The following ARHGAP28 variants were observed in gnomAD, a reference collection of about 807,000 sequenced individuals.
The protein encoded by ARHGAP28 is rho GTPase-activating protein 28.
ARHGAP28 carries 56 observed loss-of-function variants against 90.7 expected under a neutral mutation model. That is an observed-to-expected ratio of 0.62 (90% confidence interval 0.50 to 0.77). The LOEUF (loss-of-function observed/expected upper bound fraction) is 0.77. Ranked by LOEUF, ARHGAP28 falls within the 30% of genes least tolerant of loss-of-function variation. ARHGAP28 has a pLI of 0.00. For synonymous variants in ARHGAP28, 308 were observed against 323.3 expected (o/e 0.95, Z 0.51); for missense variants, 869 against 900.9 (o/e 0.96, Z 0.45).
At chr18:6,835,706 T>C (rs2056748047) in intron 2 of ARHGAP28, among the ~76,000 whole-genome samples, 1 of 152,198 alleles carries the variant, frequency 6.6e-6, no homozygotes, top group South Asian at 2.1e-4. Context: ...TCTGATTTCC[T>C]TATATTTCTA....
rs566595034 is a variant in ARHGAP28, at chr18:6,870,823, G to T, written c.954+91G>T. ...TCTTTTTCTTTTTTTTTTTTGAGAC[G>T]GAGTCTCGCTCTATTGCCCCAGGCT... On this transcript the variant is annotated intron_variant, in intron 7 of 17. Transcript: ENST00000383472. 2.7e-5 allele frequency: 36 copies of T among 1,329,426 alleles called. 1 individual carries two copies. In the South Asian group the frequency reaches 4.8e-4, roughly 18 times the overall value. The allele number at this position is 1,329,426 out of a possible 1,614,324, so 82.4% of individuals were successfully genotyped here.
chr18:6,729,821 G>A lies in ARHGAP28; in HGVS notation c.-1G>A. 1.4e-6 allele frequency: 2 copies of A among 1,415,482 alleles called. No homozygotes were observed. The highest frequency in any genetic ancestry group is 3.0e-5 in the South Asian group (2 of 67,026). 87.7% of individuals were successfully genotyped at this position (1,415,482 alleles called of 1,614,324 possible). ...CGGCGCCGAGACATGCGCGGCTGACGATGGAGGTGGAGGACTCGGGCGGCG... is the reference window on the plus strand; with the variant it reads ...CGGCGCCGAGACATGCGCGGCTGACAATGGAGGTGGAGGACTCGGGCGGCG... On this transcript the variant is annotated 5_prime_UTR_variant, in exon 1 of 18. Transcript: ENST00000383472.
At chr18:6,767,140 C>T (rs933896007) in intron 1 of ARHGAP28, among the ~76,000 whole-genome samples, 4 of 151,708 alleles carry the variant, frequency 2.6e-5, no homozygotes, top group Non-Finnish European at 5.9e-5. Context: ...CATTATTTTT[C>T]GTGATGGCTG....
chr18:6,782,024 A>G (rs892019467), intron 1 of ARHGAP28, among the ~76,000 whole-genome samples: 2 of 152,062 alleles, frequency 1.3e-5, no homozygotes, highest in African/African-American at 4.8e-5. Context: ...TCAACAAGCT[A>G]TCATATTATC....
chr18:6,868,557 C>T (rs1182920204), intron 6 of ARHGAP28, among the ~76,000 whole-genome samples: 1 of 152,042 alleles, frequency 6.6e-6, no homozygotes, highest in Non-Finnish European at 1.5e-5. Context: ...AGGAGTAGGC[C>T]ACTTCTGAGG....
At chr18:6,733,895 AC>A (rs139245911) in intron 1 of ARHGAP28, among the ~76,000 whole-genome samples, 1,587 of 152,320 alleles carry the variant, frequency 0.01, 40 homozygotes, top group African/African-American at 0.036. Context: ...AATGAGGAAC[AC>A]CAATTACCTT....
At chr18:6,910,601 C>T (rs960091553) in intron 17 of ARHGAP28, among the ~76,000 whole-genome samples, 3 of 152,060 alleles carry the variant, frequency 2.0e-5, no homozygotes, top group Admixed American at 1.3e-4. Flanking sequence ...CAGCGAGACC[C>T]TCCTTCCTCG....
At chr18:6,906,262 T>C (rs1433427474) in intron 16 of ARHGAP28, among the ~76,000 whole-genome samples, 1 of 152,234 alleles carries the variant, frequency 6.6e-6, no homozygotes, top group Non-Finnish European at 1.5e-5. Context: ...ATCTGATTTT[T>C]AAAAGATTTT....
chr18:6,749,703 A>G (rs983607769), intron 1 of ARHGAP28, among the ~76,000 whole-genome samples: 1 of 152,202 alleles, frequency 6.6e-6, no homozygotes, highest in Non-Finnish European at 1.5e-5. Flanking sequence ...AATGCTTAGC[A>G]TCCATAGATT....
Position 6,896,577 on chromosome 18 carries a change from A to G in ARHGAP28, c.1981A>G (p.Asn661Asp). ...GGTGTCCATGGCCATTCAACTCAAC[A>G]ATCAAACCAAAGCCAAAGACATATT... ...SKVSMAIQLN[N>D]QTKAKDILAK... Residue 661 changes from asparagine (N) to aspartate (D), a missense_variant, in exon 16 of 18, where the codon AAT (asparagine) becomes GAT (aspartate). Coordinates refer to ENST00000383472, the MANE Select transcript of ARHGAP28 (RefSeq NM_001366230.1). 1 of 1,614,186 alleles carries G rather than the reference A, an allele frequency of 6.2e-7. No homozygotes were observed. Among genetic ancestry groups the G allele is most frequent in the South Asian group, 1.1e-5 (1 of 91,080 alleles).
chr18:6,857,023 T>C (rs908232906), intron 4 of ARHGAP28, among the ~76,000 whole-genome samples: 4 of 152,230 alleles, frequency 2.6e-5, no homozygotes, highest in African/African-American at 9.6e-5. Flanking sequence ...TGTTTACAGT[T>C]TGGAGTTATT....
intron 1 of ARHGAP28, among the ~76,000 whole-genome samples, chr18:6,752,270 A>G (rs1015449349): frequency 5.3e-5 from 8 of 152,190 alleles, no homozygotes; most frequent in Non-Finnish European, 7.3e-5. Flanking sequence ...AATAGGACCA[A>G]TGGAATTCTT....
At chr18:6,898,289 C>A in intron 16 of ARHGAP28, 2 of 477,156 alleles carry the variant, frequency 4.2e-6, no homozygotes, top group Non-Finnish European at 7.4e-6. Context: ...TGGCCTCAAA[C>A]GTTTTTTTTC....
chr18:6,811,687 T>C (rs753005256), intron 1 of ARHGAP28, among the ~76,000 whole-genome samples: 3 of 152,088 alleles, frequency 2.0e-5, no homozygotes, highest in Non-Finnish European at 4.4e-5. Flanking sequence ...ATGTATTTAG[T>C]TTCGTGCCTC....
intron 2 of ARHGAP28, among the ~76,000 whole-genome samples, chr18:6,832,778 CTT>C (rs940239059): frequency 6.6e-6 from 1 of 151,966 alleles, no homozygotes; most frequent in Non-Finnish European, 1.5e-5. Context: ...TCCATTTACT[CTT>C]TACCTATCTG....
At position 6,873,486 on chromosome 18, in the gene ARHGAP28, C is replaced by G. The variant is rs1193319067; in HGVS notation, c.1032C>G (p.Arg344=). Residue 344 remains arginine, a synonymous_variant, in exon 8 of 18, where the codon CGC becomes CGG. Transcript: ENST00000383472. ...CTGCTGAAGACATGAAGAAAATCCG[C>G]CATCTCTCTCTGATTGAATTGACTG... ...DLSAEDMKKI[R]HLSLIELTAF... is the part of the protein sequence containing the mutation. The G allele has an allele frequency of 3.7e-6, 6 of 1,614,020 alleles. No individual in the cohort carries two copies. The East Asian group carries it at 1.3e-4, about 36-fold the overall frequency.
intron 5 of ARHGAP28, among the ~76,000 whole-genome samples, chr18:6,864,189 C>A (rs1406525544): frequency 2.0e-5 from 3 of 152,124 alleles, no homozygotes; most frequent in Non-Finnish European, 4.4e-5. Context: ...CCTCTGCCTC[C>A]CCAGTAGCTG....
chr18:6,786,623 T>C (rs1011117574), intron 1 of ARHGAP28, among the ~76,000 whole-genome samples: 8 of 152,198 alleles, frequency 5.3e-5, no homozygotes, highest in Admixed American at 1.3e-4. Context: ...TCCTTGCTAT[T>C]GATAGGTGAA....
chr18:6,843,382 G>T (rs184879659), intron 3 of ARHGAP28, among the ~76,000 whole-genome samples: 7 of 152,234 alleles, frequency 4.6e-5, no homozygotes, highest in South Asian at 2.1e-4. Context: ...TCTTCTGAGT[G>T]GGGTGCCTCC....
Sources: gnomAD v4.1 joint callset for allele counts (sites outside exome capture counted in the v4.1 genomes callset) on GRCh38, gnomAD v4.1.1 for gene constraint, MANE v1.5 for transcripts, NCBI Gene and HGNC (gene_info 2026-07-23, HGNC 2026-07-21) for gene names.